Variants in AMBN observed in about 807,000 individuals in gnomAD.
The protein encoded by AMBN is enamel matrix protein.
AMBN carries 54 observed loss-of-function variants against 48.0 expected under a neutral mutation model. The ratio of observed to expected loss-of-function variants is 1.12; its 90% CI spans 0.90 to 1.41. AMBN has a LOEUF of 1.41. Ranked by LOEUF, AMBN falls within the 40% of genes most tolerant of loss-of-function variation. AMBN has a pLI of 0.00. For missense variants in AMBN, 571 were observed against 547.3 expected, an observed-to-expected ratio of 1.04 and a Z score of -0.43; for synonymous variants, 186 against 190.0, an observed-to-expected ratio of 0.98 and a Z score of 0.17.
chr4:70,604,397 T>A (rs1424011375), intron 12 of AMBN, among the ~76,000 whole-genome samples: 1 of 152,184 alleles, frequency 6.6e-6, no homozygotes, highest in Non-Finnish European at 1.5e-5. Context: ...ATGTGCATTG[T>A]CAATGAGCAT....
chr4:70,604,718 C>T (rs920171959), intron 12 of AMBN, among the ~76,000 whole-genome samples: 6 of 150,538 alleles, frequency 4.0e-5, no homozygotes, highest in East Asian at 1.9e-4. Context: ...TTTGGCTGGG[C>T]GCAGTGGCTC....
At chr4:70,603,790 G>A in intron 11 of AMBN, 87 bp from the exon 12 acceptor site, 2 of 1,438,796 alleles carry the variant, frequency 1.4e-6, no homozygotes, top group African/African-American at 1.4e-5. Flanking sequence ...TAAGGTTTAA[G>A]TGAAAACTAA....
chr4:70,602,486 A>G (rs898905781), intron 6 of AMBN, 138 bp from the exon 7 acceptor site: 18 of 618,882 alleles, frequency 2.9e-5, no homozygotes, highest in African/African-American at 2.7e-4. Context: ...AATGAAACTC[A>G]TTTTAATTGT....
chr4:70,598,438 G>T, intron 4 of AMBN, 35 bp downstream of exon 4: 1 of 1,523,316 alleles, frequency 6.6e-7, no homozygotes, highest in Non-Finnish European at 8.9e-7. Flanking sequence ...ATTCATGGTG[G>T]TGGTAGTGTT....
chr4:70,605,459 G>T (rs34538475), intron 12 of AMBN, among the ~76,000 whole-genome samples: 36,227 of 151,998 alleles, frequency 0.24, 4,721 homozygotes, highest in Non-Finnish European at 0.28. Context: ...AGTCACACAG[G>T]CCTGCTCAAT....
chr4:70,597,872 T>G (rs924416817), intron 3 of AMBN, among the ~76,000 whole-genome samples: 2 of 152,238 alleles, frequency 1.3e-5, no homozygotes, highest in African/African-American at 4.8e-5. Flanking sequence ...ATCCAGATAC[T>G]TAACATTTCT....
intron 2 of AMBN, among the ~76,000 whole-genome samples, chr4:70,596,147 G>A (rs916330408): frequency 5.3e-5 from 8 of 151,894 alleles, no homozygotes; most frequent in South Asian, 2.1e-4. Flanking sequence ...AAAATTAGCC[G>A]GGCTTGGTGG....
chr4:70,600,759 A>C (rs1737503304), intron 5 of AMBN, among the ~76,000 whole-genome samples: 1 of 152,208 alleles, frequency 6.6e-6, no homozygotes, highest in Non-Finnish European at 1.5e-5. Context: ...CTCAGAACCA[A>C]GATTTAACAG....
At chr4:70,600,875 T>C (rs961976577) in intron 5 of AMBN, among the ~76,000 whole-genome samples, 17 of 152,194 alleles carry the variant, frequency 1.1e-4, no homozygotes, top group Non-Finnish European at 5.9e-5. Context: ...AACTTAATTG[T>C]TTCCAAAGTG....
chr4:70,592,283 A>G lies in AMBN; in HGVS notation c.-76A>G. 2 of 1,485,872 alleles carry G rather than the reference A, an allele frequency of 1.3e-6. No individual in the cohort carries two copies. The highest frequency in any genetic ancestry group is 1.9e-6 in the Non-Finnish European group (2 of 1,065,440). The allele number at this position is 1,485,872 out of a possible 1,614,324, so 92.0% of individuals were successfully genotyped here. ...GAAGTACAGAGCAAGTCCCACGCAC[A>G]GTCCTGAAAAAAATTTTAATCTTCT... On this transcript the variant is annotated 5_prime_UTR_variant, in exon 1 of 13. Transcript: ENST00000322937.
rs745371944 is a variant in AMBN at position 70,606,376 on chromosome 4, G to A, written c.990G>A (p.Glu330=). Reference sequence around the variant, plus strand: ...GTGCACAAGGCTCCCCTATGCCGGAGGCCAACCCAGACAATCTAGAAAACC... The same window carrying A: ...GTGCACAAGGCTCCCCTATGCCGGAAGCCAACCCAGACAATCTAGAAAACC... The part of the protein sequence containing the change: ...EGGAQGSPMP[E]ANPDNLENPA... Residue 330 remains glutamate (E), a synonymous_variant, in exon 13 of 13, where the codon GAG becomes GAA. Coordinates refer to ENST00000322937, the MANE Select transcript of AMBN (RefSeq NM_016519.6). The A allele has an allele frequency of 2.5e-6, 4 of 1,613,912 alleles. No homozygotes were observed. The highest frequency in any genetic ancestry group is 2.5e-6 in the Non-Finnish European group (3 of 1,179,998).
At chr4:70,600,604 C>CA (rs1216310481) in intron 5 of AMBN, among the ~76,000 whole-genome samples, 2 of 152,100 alleles carry the variant, frequency 1.3e-5, no homozygotes, top group Non-Finnish European at 2.9e-5. Context: ...AGCAGAGCCC[C>CA]AAATTGTTGC....
chr4:70,603,535 T>C (rs1737576283), intron 11 of AMBN, 75 bp downstream of exon 11: 6 of 1,421,396 alleles, frequency 4.2e-6, no homozygotes, highest in Non-Finnish European at 5.8e-6. Flanking sequence ...AAAATCTAGG[T>C]CTCACACAAG....
intron 3 of AMBN, among the ~76,000 whole-genome samples, chr4:70,597,275 C>G (rs1482220591): frequency 6.6e-6 from 1 of 151,984 alleles, no homozygotes; most frequent in Non-Finnish European, 1.5e-5. Context: ...TCTATGCAAA[C>G]CAAAGCAATA....
At chr4:70,592,488 G>C (rs1737295532) in intron 1 of AMBN, 115 bp downstream of exon 1, 1 of 1,176,028 alleles carries the variant, frequency 8.5e-7, no homozygotes, top group Non-Finnish European at 1.2e-6. Flanking sequence ...CTGAATTATT[G>C]CTTGTTGTAA....
chr4:70,600,368 T>C (rs1196172874), intron 5 of AMBN, among the ~76,000 whole-genome samples: 2 of 151,640 alleles, frequency 1.3e-5, no homozygotes, highest in Non-Finnish European at 2.9e-5. Context: ...AGTCAATAAA[T>C]ATATCAATCT....
chr4:70,598,018 G>A (rs1300382940), intron 3 of AMBN, among the ~76,000 whole-genome samples: 1 of 151,806 alleles, frequency 6.6e-6, no homozygotes, highest in Non-Finnish European at 1.5e-5. Flanking sequence ...TAAATTAAAT[G>A]GGGAGAAAGA....
intron 2 of AMBN, among the ~76,000 whole-genome samples, chr4:70,594,064 GA>G (rs947984659): frequency 6.6e-6 from 1 of 152,046 alleles, no homozygotes; most frequent in South Asian, 2.1e-4. Context: ...AAATTTCTTT[GA>G]AAAAAATACA....
chr4:70,602,087 T>C (rs970956955), intron 6 of AMBN, among the ~76,000 whole-genome samples: 4 of 152,108 alleles, frequency 2.6e-5, no homozygotes, highest in Non-Finnish European at 4.4e-5. Context: ...AAAAGTATCT[T>C]GTAATAATGT....
Sources: gnomAD v4.1 joint callset for allele counts (sites outside exome capture counted in the v4.1 genomes callset) on GRCh38, gnomAD v4.1.1 for gene constraint, MANE v1.5 for transcripts, NCBI Gene and HGNC (gene_info 2026-07-23, HGNC 2026-07-21) for gene names.